CNTNAP5: variants seen among roughly 807,000 people sequenced by gnomAD.
CNTNAP5 encodes contactin associated protein family member 5.
A neutral mutation model predicts 150.2 loss-of-function variants in CNTNAP5; 72 were observed. The ratio of observed to expected loss-of-function variants is 0.48; its 90% CI spans 0.40 to 0.58. The LOEUF is 0.58. CNTNAP5 is among the 20% of genes least tolerant of loss of function. The probability of loss-of-function intolerance (pLI) is 0.00; values close to 1 mark genes in which losing one functional copy is unlikely to be tolerated. For missense variants in CNTNAP5, 1,636 were observed against 1,626.2 expected, an observed-to-expected ratio of 1.01 and a Z score of -0.10; for synonymous variants, 672 against 619.8, an observed-to-expected ratio of 1.08 and a Z score of -1.25.
intron 3 of CNTNAP5, among the ~76,000 whole-genome samples, chr2:124,361,229 T>C (rs1197792048): frequency 2.4e-3 from 305 of 129,510 alleles, no homozygotes; most frequent in East Asian, 5.3e-3. Flanking sequence ...TTTCAAAGTT[T>C]TCAACTTCTT....
intron 1 of CNTNAP5, among the ~76,000 whole-genome samples, chr2:124,073,490 T>C (rs1558745742): frequency 6.6e-6 from 1 of 151,974 alleles, no homozygotes; most frequent in Non-Finnish European, 1.5e-5. Flanking sequence ...CCAGTACATA[T>C]AAGGAGCTCA....
intron 3 of CNTNAP5, among the ~76,000 whole-genome samples, chr2:124,310,720 G>A (rs1475833013): frequency 6.6e-6 from 1 of 152,010 alleles, no homozygotes; most frequent in Non-Finnish European, 1.5e-5. Flanking sequence ...GAAAAATAGG[G>A]AATAATTTCA....
intron 13 of CNTNAP5, among the ~76,000 whole-genome samples, chr2:124,714,137 G>A (rs36043439): frequency 0.16 from 24,688 of 151,946 alleles, 2,275 homozygotes; most frequent in East Asian, 0.24. Context: ...GGTGTTCCAT[G>A]CATTATGAAA....
At chr2:124,729,833 T>G (rs999417408) in intron 13 of CNTNAP5, among the ~76,000 whole-genome samples, 1 of 152,132 alleles carries the variant, frequency 6.6e-6, no homozygotes, top group Non-Finnish European at 1.5e-5. Context: ...CCAAAAAACC[T>G]GTTCACATTC....
At chr2:124,723,842 C>A (rs1680097777) in intron 13 of CNTNAP5, among the ~76,000 whole-genome samples, 1 of 152,050 alleles carries the variant, frequency 6.6e-6, no homozygotes, top group Non-Finnish European at 1.5e-5. Flanking sequence ...GCTTAATCAC[C>A]TCTTTTAAGA....
At chr2:124,664,256 A>C (rs563827271) in intron 13 of CNTNAP5, among the ~76,000 whole-genome samples, 2 of 151,332 alleles carry the variant, frequency 1.3e-5, no homozygotes, top group South Asian at 4.2e-4. Context: ...CCAAGTGGTC[A>C]AGGCTCCAGT....
chr2:124,660,796 G>A (rs544261293), intron 13 of CNTNAP5, among the ~76,000 whole-genome samples: 1 of 151,858 alleles, frequency 6.6e-6, no homozygotes, highest in South Asian at 2.1e-4. Flanking sequence ...ATACAAAAAT[G>A]AGCTGGGCAC....
At chr2:124,877,328 A>T (rs1399491221) in intron 21 of CNTNAP5, among the ~76,000 whole-genome samples, 1 of 152,072 alleles carries the variant, frequency 6.6e-6, no homozygotes, top group Non-Finnish European at 1.5e-5. Flanking sequence ...ACTAGTGACT[A>T]AAAAAATGAA....
At position 124,816,628 on chromosome 2, in the gene CNTNAP5, C is replaced by T. The variant is rs183588329; in HGVS notation, c.3217+18308C>T. On this transcript the variant is annotated intron_variant, in intron 19 of 23. Coordinates refer to ENST00000682447, the MANE Select transcript of CNTNAP5 (RefSeq NM_001367498.1). Reference sequence around the variant, plus strand: ...GAGTAGCTGGGATTACAGGTGCCCACTGCCACACCTGGCTAATTTTTGTAT... The same window carrying T: ...GAGTAGCTGGGATTACAGGTGCCCATTGCCACACCTGGCTAATTTTTGTAT... Among the ~76,000 whole-genome samples the T allele has an allele frequency of 9.9e-4, 151 of 152,088 alleles. 1 individual carries two copies. The highest frequency in any genetic ancestry group is 3.4e-3 in the African/African-American group (139 of 41,478).
chr2:124,549,813 C>T (rs551690507), intron 10 of CNTNAP5, among the ~76,000 whole-genome samples: 5 of 152,158 alleles, frequency 3.3e-5, no homozygotes, highest in African/African-American at 4.8e-5. Context: ...TGCTATGATA[C>T]GTTATTATTT....
intron 1 of CNTNAP5, among the ~76,000 whole-genome samples, chr2:124,066,048 T>G (rs1682143300): frequency 6.6e-6 from 1 of 152,162 alleles, no homozygotes; most frequent in Non-Finnish European, 1.5e-5. Context: ...TCCAAGGAAC[T>G]TCCCACTGCA....
At chr2:124,074,719 A>G (rs1682396961) in intron 1 of CNTNAP5, among the ~76,000 whole-genome samples, 1 of 152,054 alleles carries the variant, frequency 6.6e-6, no homozygotes. Flanking sequence ...GGAATGGGTA[A>G]AGCAGGATCT....
At chr2:124,167,251 A>C (rs1339920298) in intron 1 of CNTNAP5, among the ~76,000 whole-genome samples, 3 of 152,184 alleles carry the variant, frequency 2.0e-5, no homozygotes, top group African/African-American at 7.2e-5. Flanking sequence ...TCATTAAAAC[A>C]TGTTGCTTCT....
At chr2:124,388,570 C>G (rs1312944365) in intron 3 of CNTNAP5, among the ~76,000 whole-genome samples, 1 of 152,230 alleles carries the variant, frequency 6.6e-6, no homozygotes, top group Non-Finnish European at 1.5e-5. Context: ...GGGTTATACA[C>G]TCTCAGAGCA....
chr2:124,659,563 C>A (rs559258117), intron 13 of CNTNAP5, among the ~76,000 whole-genome samples: 1 of 152,118 alleles, frequency 6.6e-6, no homozygotes, highest in Non-Finnish European at 1.5e-5. Flanking sequence ...ATTGACCTCA[C>A]TTGCATCTCA....
At chr2:124,570,061 T>C (rs1017458049) in intron 11 of CNTNAP5, among the ~76,000 whole-genome samples, 8 of 152,158 alleles carry the variant, frequency 5.3e-5, no homozygotes, top group African/African-American at 1.9e-4. Flanking sequence ...AAAAAGATAA[T>C]ACAGTGTGCT....
chr2:124,195,155 C>T (rs919634234), intron 1 of CNTNAP5, among the ~76,000 whole-genome samples: 1 of 152,168 alleles, frequency 6.6e-6, no homozygotes, highest in Non-Finnish European at 1.5e-5. Flanking sequence ...ACATTTATTA[C>T]TCTGGCAAAA....
chr2:124,672,014 A>G (rs914636599), intron 13 of CNTNAP5, among the ~76,000 whole-genome samples: 1 of 152,196 alleles, frequency 6.6e-6, no homozygotes. Flanking sequence ...TGTGTTAACG[A>G]TGCCATCACA....
In CNTNAP5 at chr2:124,285,671, C is replaced by T. The variant is rs201379290; in HGVS notation, c.381+43278C>T. Reference sequence around the variant, plus strand: ...AAAAAAAATTAGCCAGGTTTGGTGGCGTGTACCTGTAGTCAGAGTTACTTG... The same window carrying T: ...AAAAAAAATTAGCCAGGTTTGGTGGTGTGTACCTGTAGTCAGAGTTACTTG... On this transcript the variant is annotated intron_variant, in intron 3 of 23. Transcript: ENST00000682447. 1.1e-4 allele frequency among the ~76,000 whole-genome samples: 17 copies of T among 151,704 alleles called. No homozygotes were observed. The East Asian group carries it at 1.2e-3, about 10-fold the overall frequency.
Sources: allele counts gnomAD v4.1 joint callset (sites outside exome capture counted in the v4.1 genomes callset), GRCh38; gene constraint gnomAD v4.1.1; transcripts MANE v1.5; gene names NCBI Gene and HGNC (gene_info 2026-07-23, HGNC 2026-07-21).